Variants in HIVEP2 observed in about 807,000 individuals in gnomAD.
HIVEP2 encodes the protein transcription factor HIVEP2.
A neutral mutation model predicts 180.7 loss-of-function variants in HIVEP2; 14 were observed. That is an observed-to-expected ratio of 0.08 (90% CI 0.05 to 0.12). The LOEUF is 0.12. HIVEP2 is among the 10% of genes least tolerant of loss of function. HIVEP2 has a pLI of 1.00. For synonymous variants in HIVEP2, 1,184 were observed against 1,136.4 expected, an observed-to-expected ratio of 1.04 and a Z score of -0.84; for missense variants, 2,579 against 3,008.5, an observed-to-expected ratio of 0.86 and a Z score of 3.34.
intron 1 of HIVEP2, among the ~76,000 whole-genome samples, chr6:142,858,273 G>A (rs1352851912): frequency 1.3e-5 from 2 of 152,070 alleles, no homozygotes; most frequent in South Asian, 2.1e-4. Context: ...GGCTGCTCCT[G>A]GTGCCTGACC....
chr6:142,828,023 C>T (rs930961055), intron 2 of HIVEP2, among the ~76,000 whole-genome samples: 1 of 152,138 alleles, frequency 6.6e-6, no homozygotes, highest in Non-Finnish European at 1.5e-5. Flanking sequence ...TATACTGAAA[C>T]CTCTTCAAAT....
intron 2 of HIVEP2, among the ~76,000 whole-genome samples, chr6:142,827,734 G>A (rs187239271): frequency 1.3e-5 from 2 of 152,268 alleles, no homozygotes; most frequent in Admixed American, 6.5e-5. Context: ...TAGTAAGTGT[G>A]GAGATCTTTT....
At chr6:142,814,506 G>A (rs1361927165) in intron 2 of HIVEP2, among the ~76,000 whole-genome samples, 1 of 152,126 alleles carries the variant, frequency 6.6e-6, no homozygotes, top group Non-Finnish European at 1.5e-5. Flanking sequence ...TGGTGGGTTG[G>A]AGGAGGCTGA....
chr6:142,805,762 A>G (rs1776533962), intron 2 of HIVEP2, among the ~76,000 whole-genome samples: 1 of 152,080 alleles, frequency 6.6e-6, no homozygotes, highest in Non-Finnish European at 1.5e-5. Flanking sequence ...AATGCCACCT[A>G]CCAAGGGCCT....
At chr6:142,765,813 C>T (rs1049103066) in intron 6 of HIVEP2, among the ~76,000 whole-genome samples, 1 of 152,180 alleles carries the variant, frequency 6.6e-6, no homozygotes, top group African/African-American at 2.4e-5. Flanking sequence ...CAATGCTCAA[C>T]CATTCCATTT....
intron 2 of HIVEP2, among the ~76,000 whole-genome samples, chr6:142,821,319 G>A (rs1371890500): frequency 6.6e-6 from 1 of 151,436 alleles, no homozygotes; most frequent in Non-Finnish European, 1.5e-5. Flanking sequence ...ACACTCATTC[G>A]TAGTCTAACC....
chr6:142,854,002 CACTG>C (rs2114932786), intron 1 of HIVEP2, among the ~76,000 whole-genome samples: 1 of 152,290 alleles, frequency 6.6e-6, no homozygotes, highest in East Asian at 1.9e-4. Context: ...TTCACTCTGT[CACTG>C]ACTGGGAATA....
intron 2 of HIVEP2, among the ~76,000 whole-genome samples, chr6:142,824,810 A>G (rs1299146298): frequency 1.3e-5 from 2 of 152,330 alleles, no homozygotes; most frequent in South Asian, 4.1e-4. Flanking sequence ...CCAGTGAGTG[A>G]TAACACATCT....
chr6:142,852,057 A>G (rs1289866839), intron 1 of HIVEP2, among the ~76,000 whole-genome samples: 1 of 152,204 alleles, frequency 6.6e-6, no homozygotes, highest in African/African-American at 2.4e-5. Flanking sequence ...GTTTATTACT[A>G]TAAAGTAAGG....
In HIVEP2 at chr6:142,768,367, A is replaced by G; in HGVS notation, c.5342+15T>C. 6.2e-7 allele frequency: 1 copy of G among 1,606,586 alleles called. No individual in the cohort carries two copies. Among genetic ancestry groups the G allele is most frequent in the Non-Finnish European group, 8.5e-7 (1 of 1,177,188 alleles). On this transcript the variant is annotated intron_variant, in intron 6 of 9. Coordinates refer to ENST00000367603, the MANE Select transcript of HIVEP2 (RefSeq NM_006734.4). Reference sequence around the variant, plus strand: ...CTATAACTGCACATTTTACATTTGCACTTTGTTTCCTTACCCTCCTTCAAA... The same window carrying G: ...CTATAACTGCACATTTTACATTTGCGCTTTGTTTCCTTACCCTCCTTCAAA...
At chr6:142,846,719 A>G (rs6910072) in intron 1 of HIVEP2, among the ~76,000 whole-genome samples, 26,972 of 152,152 alleles carry the variant, frequency 0.18, 2,583 homozygotes, top group South Asian at 0.22. Flanking sequence ...AGGTTTACCC[A>G]CTTGCTCAAC....
intron 2 of HIVEP2, among the ~76,000 whole-genome samples, chr6:142,818,795 GA>G (rs1443903495): frequency 1.3e-4 from 15 of 119,708 alleles, no homozygotes; most frequent in Non-Finnish European, 2.3e-4. Flanking sequence ...GAAAGAAAAA[GA>G]AAAGAAAAAG....
chr6:142,772,819 G>A lies in HIVEP2; in HGVS notation c.1920C>T (p.Val640=), dbSNP rs778631319. The A allele has an allele frequency of 6.2e-7, 1 of 1,614,190 alleles. No homozygotes were observed. Among genetic ancestry groups the A allele is most frequent in the Admixed American group, 1.7e-5 (1 of 60,030 alleles). ...PGDRVGYDYD[V]CRKPYKKWED... is the part of the protein sequence containing the mutation. Reference sequence around the variant, plus strand: ...CCCACTTCTTATAGGGTTTCCGACAGACATCATAGTCATACCCAACCCTGT... The same window carrying A: ...CCCACTTCTTATAGGGTTTCCGACAAACATCATAGTCATACCCAACCCTGT... The change falls in exon 5 of 10, where the codon GTC becomes GTT. Residue 640 remains valine (V), a synonymous_variant. Transcript: ENST00000367603. This position sits in a 1 kb window ranked among gnomAD's most constrained non-coding sequence, Gnocchi z 4.9.
chr6:142,752,946 T>A lies in HIVEP2; in HGVS notation c.*161A>T. The A allele has an allele frequency of 1.7e-6, 1 of 597,992 alleles. No homozygotes were observed. The highest frequency in any genetic ancestry group is 3.0e-6 in the Non-Finnish European group (1 of 337,394). 37.0% of individuals were successfully genotyped at this position (597,992 alleles called of 1,614,324 possible). A position where few individuals can be genotyped will look rare whatever the true frequency, so the allele number is the denominator to read the frequency against. On this transcript the variant is annotated 3_prime_UTR_variant, in exon 10 of 10. Coordinates refer to ENST00000367603, the MANE Select transcript of HIVEP2 (RefSeq NM_006734.4). ...TGTTTTGGTCAGGCTCATGATGACT[T>A]GTTAATTTACCTAATTCTTTTGATA...
intron 5 of HIVEP2, 32 bp downstream of exon 5, chr6:142,769,520 T>C (rs1775465395): frequency 1.9e-6 from 3 of 1,582,794 alleles, no homozygotes; most frequent in African/African-American, 1.3e-5. Context: ...AAATCCACAA[T>C]ACAAAGTTCT....
At chr6:142,798,150 A>T (rs1307652614) in intron 2 of HIVEP2, among the ~76,000 whole-genome samples, 3 of 152,028 alleles carry the variant, frequency 2.0e-5, no homozygotes, top group African/African-American at 7.2e-5. Flanking sequence ...GCCTGATGGC[A>T]CATCTGATAC....
chr6:142,789,417 A>G (rs1776085382), intron 2 of HIVEP2, among the ~76,000 whole-genome samples: 1 of 152,256 alleles, frequency 6.6e-6, no homozygotes, highest in Admixed American at 6.5e-5. Flanking sequence ...GACATCACGT[A>G]AGTCATATAT....
intron 2 of HIVEP2, among the ~76,000 whole-genome samples, chr6:142,808,317 A>G (rs182949233): frequency 6.6e-6 from 1 of 152,146 alleles, no homozygotes; most frequent in African/African-American, 2.4e-5. Flanking sequence ...CTGTGGGTGA[A>G]TGGATGGAAG....
In HIVEP2 at chr6:142,920,856, G is replaced by A. The variant is rs1315784945; in HGVS notation, c.-641+24243C>T. Among the ~76,000 whole-genome samples the A allele has an allele frequency of 2.0e-5, 3 of 152,142 alleles. 1 individual carries two copies. The highest frequency in any genetic ancestry group is 1.3e-4 in the Admixed American group (2 of 15,262). On this transcript the variant is annotated intron_variant, in intron 1 of 9. Transcript: ENST00000367603. ...AAATTAGCTGGGAATCGGAGCACATGCCTGTAGTCCCAGCTACTTGGGAGA... is the reference window on the plus strand; with the variant it reads ...AAATTAGCTGGGAATCGGAGCACATACCTGTAGTCCCAGCTACTTGGGAGA...
Sources: allele counts gnomAD v4.1 joint callset (sites outside exome capture counted in the v4.1 genomes callset), GRCh38; gene constraint gnomAD v4.1.1; non-coding constraint Gnocchi (gnomAD v3.1); transcripts MANE v1.5; gene names NCBI Gene and HGNC (gene_info 2026-07-23, HGNC 2026-07-21).